CILK1: variants seen among roughly 807,000 people sequenced by gnomAD.
CILK1 encodes the protein serine/threonine-protein kinase ICK.
A neutral mutation model predicts 79.2 loss-of-function variants in CILK1; 47 were observed. The observed-to-expected ratio is 0.59, with a 90% CI of 0.47 to 0.76. The LOEUF is 0.76. Ranked by LOEUF, CILK1 falls within the 30% of genes least tolerant of loss-of-function variation. CILK1 has a pLI of 0.00. For missense variants in CILK1, 660 were observed against 769.5 expected, an observed-to-expected ratio of 0.86 and a Z score of 1.68; for synonymous variants, 266 against 275.9, an observed-to-expected ratio of 0.96 and a Z score of 0.36.
At chr6:53,037,556 T>C (rs1185451884) in intron 3 of CILK1, among the ~76,000 whole-genome samples, 5 of 152,158 alleles carry the variant, frequency 3.3e-5, no homozygotes, top group African/African-American at 1.2e-4. Flanking sequence ...ATGAATTTCC[T>C]CACAGAAAGT....
In CILK1 at chr6:53,004,418, A is replaced by G. The variant is rs912968944; in HGVS notation, c.*731T>C. On this transcript the variant is annotated 3_prime_UTR_variant, in exon 14 of 14. Transcript: ENST00000676107. ...AAATTAGAATATAATGGCATAGTAT[A>G]ATTAAGCTTGGTTTCATCTGAGATC... 8 of 152,244 alleles carry G rather than the reference A, an allele frequency of 5.3e-5. No homozygotes were observed. Among genetic ancestry groups the G allele is most frequent in the Non-Finnish European group, 1.2e-4 (8 of 68,046 alleles). The allele number at this position is 152,244 out of a possible 1,614,324, so 9.4% of individuals were successfully genotyped here.
At chr6:53,010,398 C>A (rs553424058) in intron 11 of CILK1, among the ~76,000 whole-genome samples, 4 of 152,338 alleles carry the variant, frequency 2.6e-5, no homozygotes, top group African/African-American at 9.6e-5. Flanking sequence ...TCTCCCTCAC[C>A]TGGATGACAG....
intron 1 of CILK1, among the ~76,000 whole-genome samples, chr6:53,049,930 A>T (rs572045776): frequency 6.0e-4 from 91 of 152,026 alleles, no homozygotes; most frequent in Non-Finnish European, 1.2e-3. Flanking sequence ...TATGTTGCCC[A>T]GGTTGGTCTT....
chr6:53,005,312 A>T lies in CILK1; in HGVS notation c.1745-9T>A. 1 of 1,614,196 alleles carries T rather than the reference A, an allele frequency of 6.2e-7. No individual in the cohort carries two copies. Among genetic ancestry groups the T allele is most frequent in the Non-Finnish European group, 8.5e-7 (1 of 1,180,018 alleles). ...CTTCAGGGAGGAATAACCTGCAATG[A>T]AAGAAAAAGGCCGGCATGACTGATA... On this transcript the variant is annotated splice_polypyrimidine_tract_variant and intron_variant, in intron 13 of 13. Coordinates refer to ENST00000676107, the MANE Select transcript of CILK1 (RefSeq NM_014920.5).
At chr6:53,047,502 T>C (rs1174633283) in intron 1 of CILK1, among the ~76,000 whole-genome samples, 6 of 140,072 alleles carry the variant, frequency 4.3e-5, no homozygotes, top group South Asian at 2.4e-4. Context: ...TGAGGTCTCT[T>C]TTTTTTTTTT....
intron 2 of CILK1, among the ~76,000 whole-genome samples, chr6:53,039,253 T>C (rs997893233): frequency 5.3e-5 from 8 of 152,272 alleles, no homozygotes; most frequent in South Asian, 2.1e-4. Context: ...CTGTACCAAG[T>C]GCTGTGAAGA....
At chr6:53,007,852 A>AT in intron 12 of CILK1, among the ~76,000 whole-genome samples, 1 of 152,104 alleles carries the variant, frequency 6.6e-6, no homozygotes, top group Non-Finnish European at 1.5e-5. Context: ...AGGCAGGAGA[A>AT]TTGCTTGAAC....
chr6:53,017,973 G>A (rs147567009), intron 7 of CILK1, among the ~76,000 whole-genome samples: 8 of 152,320 alleles, frequency 5.3e-5, no homozygotes, highest in Non-Finnish European at 7.4e-5. Context: ...CCCATAGAGC[G>A]TTGTAAACAT....
intron 2 of CILK1, among the ~76,000 whole-genome samples, chr6:53,040,233 C>T (rs545903289): frequency 1.7e-4 from 26 of 152,318 alleles, no homozygotes; most frequent in African/African-American, 4.6e-4. Context: ...TCTCCTTCAA[C>T]GACTTGCTTC....
chr6:53,039,889 C>G (rs1327473409), intron 2 of CILK1, among the ~76,000 whole-genome samples: 2 of 151,958 alleles, frequency 1.3e-5, no homozygotes, highest in East Asian at 3.9e-4. Flanking sequence ...TGGGAATATA[C>G]AGAAGTAGGT....
At chr6:53,043,137 G>A (rs12332801) in intron 1 of CILK1, among the ~76,000 whole-genome samples, 7,223 of 151,998 alleles carry the variant, frequency 0.048, 426 homozygotes, top group African/African-American at 0.13. Flanking sequence ...CCAACATGGT[G>A]AAACCCCGTC....
At chr6:53,049,930 A>G (rs572045776) in intron 1 of CILK1, among the ~76,000 whole-genome samples, 1 of 152,026 alleles carries the variant, frequency 6.6e-6, no homozygotes, top group Non-Finnish European at 1.5e-5. Context: ...TATGTTGCCC[A>G]GGTTGGTCTT....
chr6:53,032,692 T>A, intron 3 of CILK1, 38 bp from the exon 4 acceptor site: 2 of 1,535,274 alleles, frequency 1.3e-6, no homozygotes, highest in South Asian at 2.4e-5. Flanking sequence ...AAAACAAATA[T>A]TAGAGAAAAT....
chr6:53,059,907 A>G (rs1768279351), intron 1 of CILK1, among the ~76,000 whole-genome samples: 1 of 152,206 alleles, frequency 6.6e-6, no homozygotes, highest in African/African-American at 2.4e-5. Context: ...AGAGCTTACT[A>G]AGAGTCAGGC....
Position 53,005,127 on chromosome 6 carries a change from G to C in CILK1, c.*22C>G. On this transcript the variant is annotated 3_prime_UTR_variant, in exon 14 of 14. Transcript: ENST00000676107. ...AGTATCCTGCTTCTCCCTAGGAAGA[G>C]ATTCATCACCAAGGCAGACAGTCAT... 1 of 1,613,896 alleles carries C rather than the reference G, an allele frequency of 6.2e-7. No individual in the cohort carries two copies. The highest frequency in any genetic ancestry group is 8.5e-7 in the Non-Finnish European group (1 of 1,179,932).
chr6:53,013,326 T>C (rs1764687998), intron 9 of CILK1, among the ~76,000 whole-genome samples: 1 of 152,110 alleles, frequency 6.6e-6, no homozygotes, highest in Non-Finnish European at 1.5e-5. Flanking sequence ...ATGAGGAAAA[T>C]GAGGAGCAGA....
chr6:53,007,966 T>TAAATAAAATA (rs571989940), intron 12 of CILK1, among the ~76,000 whole-genome samples: 4 of 150,188 alleles, frequency 2.7e-5, no homozygotes, highest in East Asian at 3.9e-4. Flanking sequence ...TAAAAATAAA[T>TAAATAAAATA]AAATAAAATA....
intron 1 of CILK1, among the ~76,000 whole-genome samples, chr6:53,052,294 A>T (rs2397137): frequency 6.6e-6 from 1 of 152,150 alleles, no homozygotes; most frequent in Non-Finnish European, 1.5e-5. Context: ...TTATCCAAGC[A>T]TACTTCTAAC....
chr6:53,060,566 T>A (rs934011416), intron 1 of CILK1, among the ~76,000 whole-genome samples: 6 of 152,228 alleles, frequency 3.9e-5, no homozygotes, highest in Admixed American at 3.3e-4. Flanking sequence ...CATCTACTTC[T>A]AGTGTTTTAC....
Sources: allele counts gnomAD v4.1 joint callset (sites outside exome capture counted in the v4.1 genomes callset), GRCh38; gene constraint gnomAD v4.1.1; transcripts MANE v1.5; gene names NCBI Gene and HGNC (gene_info 2026-07-23, HGNC 2026-07-21).